Variants in KIF6 observed in about 807,000 individuals in gnomAD.
The protein encoded by KIF6 is kinesin-like protein KIF6.
In KIF6, 106 loss-of-function variants were observed where a neutral mutation model predicts 112.7. The observed-to-expected ratio is 0.94, with a 90% CI of 0.80 to 1.11. The LOEUF (loss-of-function observed/expected upper bound fraction) is 1.11. Ranked by LOEUF, KIF6 falls within the 50% of genes least tolerant of loss-of-function variation. KIF6 has a pLI of 0.00. For missense variants in KIF6, 929 were observed against 964.0 expected (o/e 0.96, Z 0.48); for synonymous variants, 339 against 339.9 (o/e 1.00, Z 0.03).
intron 3 of KIF6, among the ~76,000 whole-genome samples, chr6:39,700,160 C>T (rs1788798182): frequency 1.3e-5 from 2 of 152,306 alleles, no homozygotes; most frequent in East Asian, 1.9e-4. Flanking sequence ...AATCCAATTA[C>T]ACTCATTTAA....
intron 3 of KIF6, among the ~76,000 whole-genome samples, chr6:39,651,377 G>C (rs888371673): frequency 1.3e-5 from 2 of 152,312 alleles, no homozygotes; most frequent in Admixed American, 6.5e-5. Flanking sequence ...GAGAGAGACT[G>C]GAAAGCGGAA....
intron 5 of KIF6, among the ~76,000 whole-genome samples, chr6:39,627,428 C>T (rs935868590): frequency 6.6e-6 from 1 of 152,144 alleles, no homozygotes; most frequent in African/African-American, 2.4e-5. Context: ...ACAGGGACTA[C>T]GTTAGCAAAC....
At chr6:39,612,171 T>G (rs1334340476) in intron 6 of KIF6, among the ~76,000 whole-genome samples, 1 of 152,214 alleles carries the variant, frequency 6.6e-6, no homozygotes, top group Non-Finnish European at 1.5e-5. Flanking sequence ...ATCTTGCGTC[T>G]AAGGCAGGGC....
At chr6:39,706,452 T>C (rs1024073820) in intron 3 of KIF6, among the ~76,000 whole-genome samples, 5 of 152,234 alleles carry the variant, frequency 3.3e-5, no homozygotes, top group Non-Finnish European at 5.9e-5. Context: ...ATGGAGCTTG[T>C]CAAGGTCATC....
chr6:39,604,496 T>C (rs1782774419), intron 6 of KIF6, among the ~76,000 whole-genome samples: 1 of 152,128 alleles, frequency 6.6e-6, no homozygotes, highest in African/African-American at 2.4e-5. Context: ...ATTCCTCTAC[T>C]GGAATTAATG....
At chr6:39,462,239 G>A (rs1037479160) in intron 13 of KIF6, among the ~76,000 whole-genome samples, 7 of 152,190 alleles carry the variant, frequency 4.6e-5, no homozygotes, top group African/African-American at 1.4e-4. Context: ...CTGATAAAGA[G>A]ACAAACTCAA....
At chr6:39,514,771 T>C (rs1055517908) in intron 13 of KIF6, among the ~76,000 whole-genome samples, 2 of 130,780 alleles carry the variant, frequency 1.5e-5, no homozygotes, top group Non-Finnish European at 3.1e-5. Context: ...TCAAGGCTTT[T>C]TTTCCCCCCC....
At chr6:39,527,085 T>C (rs1777781135) in intron 13 of KIF6, among the ~76,000 whole-genome samples, 1 of 152,224 alleles carries the variant, frequency 6.6e-6, no homozygotes, top group South Asian at 2.1e-4. Context: ...CAAATAGTAG[T>C]TTGTAAGCAG....
chr6:39,434,761 A>C (rs1010234824), intron 13 of KIF6, among the ~76,000 whole-genome samples: 1 of 152,024 alleles, frequency 6.6e-6, no homozygotes, highest in African/African-American at 2.4e-5. Context: ...AGTGAACTTC[A>C]TCTAGAAGGA....
chr6:39,484,791 T>C (rs1293737946), intron 13 of KIF6, among the ~76,000 whole-genome samples: 1 of 152,186 alleles, frequency 6.6e-6, no homozygotes, highest in African/African-American at 2.4e-5. Flanking sequence ...TATAAAGGTG[T>C]CACTATCCCT....
chr6:39,385,400 A>C (rs1217408457), intron 16 of KIF6, among the ~76,000 whole-genome samples: 1 of 152,110 alleles, frequency 6.6e-6, no homozygotes, highest in East Asian at 1.9e-4. Context: ...CTGGAAGAGT[A>C]GGGTGCTGGG....
In KIF6 at chr6:39,658,601, C is replaced by A. The variant is rs190891460; in HGVS notation, c.252-18844G>T. Reference sequence around the variant, plus strand: ...AATTCTGTCAGCTTGGAAATAAGAACTCACCTCTTGTGAGGAGCATAATTT... The same window carrying A: ...AATTCTGTCAGCTTGGAAATAAGAAATCACCTCTTGTGAGGAGCATAATTT... On this transcript the variant is annotated intron_variant, in intron 3 of 22. Transcript: ENST00000287152. Among the ~76,000 whole-genome samples the A allele has an allele frequency of 1.1e-4, 16 of 152,216 alleles. No individual in the cohort carries two copies. The South Asian group carries it at 1.9e-3, about 18-fold the overall frequency.
intron 13 of KIF6, among the ~76,000 whole-genome samples, chr6:39,476,339 A>G (rs1774426238): frequency 6.6e-6 from 1 of 152,130 alleles, no homozygotes; most frequent in African/African-American, 2.4e-5. Flanking sequence ...GAGATGGTCT[A>G]AAACAAGCAG....
chr6:39,712,338 TACA>T (rs1789604043), intron 3 of KIF6, among the ~76,000 whole-genome samples: 1 of 150,946 alleles, frequency 6.6e-6, no homozygotes, highest in African/African-American at 2.4e-5. Context: ...AAAAAAAGAA[TACA>T]AGGAGAAAAG....
intron 3 of KIF6, among the ~76,000 whole-genome samples, chr6:39,708,685 A>G (rs965544070): frequency 4.6e-5 from 7 of 152,220 alleles, no homozygotes; most frequent in African/African-American, 1.7e-4. Context: ...GATTGGCTCT[A>G]TTAGAAAACT....
chr6:39,605,100 C>G (rs1208778987), intron 6 of KIF6, among the ~76,000 whole-genome samples: 1 of 152,096 alleles, frequency 6.6e-6, no homozygotes, highest in East Asian at 1.9e-4. Flanking sequence ...ACACATCATT[C>G]TTGAGCTAGA....
rs116232824 is a variant in KIF6, at chr6:39,714,616, A to G, written c.251+76T>C. 3,837 of 955,558 alleles carry G rather than the reference A, an allele frequency of 4.0e-3. 97 individuals are homozygous for G. The African/African-American group carries it at 0.054, about 13-fold the overall frequency. The allele number at this position is 955,558 out of a possible 1,614,324, so 59.2% of individuals were successfully genotyped here. ...GTATATAATTGATACACTTAAGCACACTACCACAGTTATCTGAGAATTGAA... is the reference window on the plus strand; with the variant it reads ...GTATATAATTGATACACTTAAGCACGCTACCACAGTTATCTGAGAATTGAA... On this transcript the variant is annotated intron_variant, in intron 3 of 22. Transcript: ENST00000287152.
rs1007445946 is a variant in KIF6, at chr6:39,330,499, A to G, written c.*6033T>C. ...GTGATGGAAAAGACAAACCCAGGAG[A>G]TGTTTCGGAGAAAAGAAAACAACAA... On this transcript the variant is annotated 3_prime_UTR_variant, in exon 23 of 23. Coordinates refer to ENST00000287152, the MANE Select transcript of KIF6 (RefSeq NM_145027.6). The G allele has an allele frequency of 2.6e-5, 4 of 152,278 alleles. No individual in the cohort carries two copies. The highest frequency in any genetic ancestry group is 7.2e-5 in the African/African-American group (3 of 41,446). 9.4% of individuals were successfully genotyped at this position (152,278 alleles called of 1,614,324 possible). A position where few individuals can be genotyped will look rare whatever the true frequency, so the allele number is the denominator to read the frequency against.
At chr6:39,572,579 C>T (rs1033954823) in intron 10 of KIF6, among the ~76,000 whole-genome samples, 13 of 150,092 alleles carry the variant, frequency 8.7e-5, no homozygotes, top group Admixed American at 6.7e-4. Context: ...GGAAGTGAAA[C>T]GTTGCTAACA....
Sources: gnomAD v4.1 joint callset for allele counts (sites outside exome capture counted in the v4.1 genomes callset) on GRCh38, gnomAD v4.1.1 for gene constraint, MANE v1.5 for transcripts, NCBI Gene and HGNC (gene_info 2026-07-23, HGNC 2026-07-21) for gene names.